Variants in ATP11C observed in about 807,000 individuals in gnomAD.
ATP11C encodes phospholipid-transporting ATPase IG.
A neutral mutation model predicts 97.4 loss-of-function variants in ATP11C; 36 were observed. The ratio of observed to expected loss-of-function variants is 0.37; its 90% CI spans 0.28 to 0.49. The LOEUF is 0.49. Among genes scored for constraint, ATP11C ranks in the 20% least tolerant of loss-of-function variants. The pLI is 0.98. For missense variants in ATP11C, 730 were observed against 824.6 expected (o/e 0.89, Z 1.40); for synonymous variants, 275 against 290.9 (o/e 0.95, Z 0.56).
chrX:139,841,310 A>G (rs1479345031), intron 1 of ATP11C, among the ~76,000 whole-genome samples: 1 of 112,360 alleles, frequency 8.9e-6, no homozygotes, highest in Non-Finnish European at 1.9e-5. Flanking sequence ...ACTCTACTAC[A>G]ATTAGACAAC....
At chrX:139,878,069 G>A (rs769770855) in intron 1 of ATP11C, among the ~76,000 whole-genome samples, 5 of 111,637 alleles carry the variant, frequency 4.5e-5, no homozygotes, top group Non-Finnish European at 9.4e-5. Flanking sequence ...AAAAAAAATG[G>A]GTTTTACATT....
intron 21 of ATP11C, among the ~76,000 whole-genome samples, chrX:139,762,545 C>T (rs138604947): frequency 2.7e-5 from 3 of 111,189 alleles, no homozygotes; most frequent in East Asian, 5.7e-4. Context: ...TGACTAGCAG[C>T]GCAAGGGTTC....
intron 1 of ATP11C, chrX:139,924,219 C>T (rs202116296): frequency 2.6e-6 from 1 of 383,136 alleles, no homozygotes; most frequent in Non-Finnish European, 5.3e-6. Flanking sequence ...CTGGCTCCCC[C>T]ACTGGGTGCA....
At chrX:139,919,216 C>T (rs948260491) in intron 1 of ATP11C, among the ~76,000 whole-genome samples, 19 of 109,495 alleles carry the variant, frequency 1.7e-4, no homozygotes, top group Non-Finnish European at 1.9e-4. Flanking sequence ...GCACTCCAGC[C>T]GGGGCGACAG....
Position 139,932,135 on chromosome X carries a change from G to T in ATP11C, c.-93C>A. The T allele has an allele frequency of 1.1e-6, 1 of 893,818 alleles. No individual in the cohort carries two copies. The highest frequency in any genetic ancestry group is 1.4e-6 in the Non-Finnish European group (1 of 698,462). The allele number at this position is 893,818 out of a possible 1,213,427, so 73.7% of individuals were successfully genotyped here. The stretch of plus-strand genomic sequence containing the variant: ...ACACACTGCGGCGTGGGCCGGCGGC[G>T]CCAAGCGGAGCAGCGAGGCGGGCGG... On this transcript the variant is annotated 5_prime_UTR_variant, in exon 1 of 30. Transcript: ENST00000682941.
chrX:139,805,536 A>AT (rs2083023898), intron 5 of ATP11C, among the ~76,000 whole-genome samples: 2 of 112,393 alleles, frequency 1.8e-5, no homozygotes, highest in African/African-American at 6.5e-5. Context: ...ATGAAGAGTC[A>AT]TAACATTTTT....
rs191756162 is a variant in ATP11C at position 139,830,702 on chromosome X, T to A, written c.28-3879A>T. On this transcript the variant is annotated intron_variant, in intron 1 of 29. Coordinates refer to ENST00000682941, the MANE Select transcript of ATP11C (RefSeq NM_001353812.2). ...ATTTGCTCAAAAATGAACAAAAAAA[T>A]TTCTTATTAAAATCTGAAGACTTGG... 8.0e-5 allele frequency among the ~76,000 whole-genome samples: 9 copies of A among 111,884 alleles called. No homozygotes were observed. The East Asian group carries it at 1.1e-3, about 14-fold the overall frequency.
intron 28 of ATP11C, chrX:139,737,617 G>A: frequency 1.1e-5 from 2 of 174,890 alleles, no homozygotes; most frequent in Non-Finnish European, 2.3e-5. Flanking sequence ...GAAAATTCTA[G>A]GCTAAATACA....
At chrX:139,762,149 A>C (rs1448922663) in intron 21 of ATP11C, 43 bp from the exon 22 acceptor site, 1 of 956,593 alleles carries the variant, frequency 1.0e-6, no homozygotes, top group Non-Finnish European at 1.4e-6. Context: ...TTCTAGAATA[A>C]ATGACTCCCT....
At chrX:139,765,632 C>T (rs758225482) in intron 20 of ATP11C, among the ~76,000 whole-genome samples, 14 of 112,039 alleles carry the variant, frequency 1.2e-4, no homozygotes, top group Non-Finnish European at 2.1e-4. Context: ...ACTAGCATAT[C>T]CAAGAGCACA....
chrX:139,895,510 T>C (rs1314363232), intron 1 of ATP11C, among the ~76,000 whole-genome samples: 1 of 112,073 alleles, frequency 8.9e-6, no homozygotes, highest in Non-Finnish European at 1.9e-5. Context: ...CCTCAAGTGA[T>C]GCACCTGCCC....
At chrX:139,784,018 TGATGAG>T (rs1316580836) in intron 16 of ATP11C, among the ~76,000 whole-genome samples, 2 of 112,561 alleles carry the variant, frequency 1.8e-5, no homozygotes, top group African/African-American at 6.5e-5. Context: ...TAGTTTTTAC[TGATGAG>T]AATAGCTTTG....
upstream of ATP11C, among the ~76,000 whole-genome samples, chrX:139,933,709 A>G (rs886345535): frequency 1.3e-4 from 15 of 112,314 alleles, no homozygotes; most frequent in African/African-American, 4.9e-4. Context: ...CAGCCACACC[A>G]CAGGCCTTCC....
intron 22 of ATP11C, among the ~76,000 whole-genome samples, chrX:139,760,661 A>C (rs1276054070): frequency 8.9e-6 from 1 of 111,870 alleles, no homozygotes; most frequent in Non-Finnish European, 1.9e-5. Flanking sequence ...GGTAGACAAT[A>C]ACAAGTATGC....
At chrX:139,844,655 G>C (rs1440966139) in intron 1 of ATP11C, among the ~76,000 whole-genome samples, 3 of 111,825 alleles carry the variant, frequency 2.7e-5, no homozygotes, top group African/African-American at 9.8e-5. Flanking sequence ...TCAATAATCT[G>C]TGTGTGTGTA....
intron 1 of ATP11C, among the ~76,000 whole-genome samples, chrX:139,867,065 G>A (rs1163041896): frequency 9.0e-6 from 1 of 111,721 alleles, no homozygotes; most frequent in Non-Finnish European, 1.9e-5. Context: ...CAGACTAAGC[G>A]ACAGAGCAAG....
At chrX:139,787,714 T>C (rs758877310) in intron 14 of ATP11C, among the ~76,000 whole-genome samples, 1 of 112,594 alleles carries the variant, frequency 8.9e-6, no homozygotes. Flanking sequence ...ACAGAGAAAG[T>C]CAATGCCCAG....
At chrX:139,920,486 A>G (rs1324068849) in intron 1 of ATP11C, among the ~76,000 whole-genome samples, 1 of 112,097 alleles carries the variant, frequency 8.9e-6, no homozygotes, top group East Asian at 2.8e-4. Context: ...CTGGCAATCC[A>G]GAGATAAGAA....
chrX:139,853,191 G>A lies in ATP11C; in HGVS notation c.28-26368C>T, dbSNP rs182247672. Among the ~76,000 whole-genome samples the A allele has an allele frequency of 5.7e-3, 640 of 111,371 alleles. 2 individuals are homozygous for A. The highest frequency in any genetic ancestry group is 9.3e-3 in the Non-Finnish European group (494 of 53,023). On this transcript the variant is annotated intron_variant, in intron 1 of 29. Coordinates refer to ENST00000682941, the MANE Select transcript of ATP11C (RefSeq NM_001353812.2). ...AGGAAGAAAAAGTAGCTCCACTCCC[G>A]CCAGTCCCTCCCCTAGGGGAAGAGG...
Sources: gnomAD v4.1 joint callset for allele counts (sites outside exome capture counted in the v4.1 genomes callset) on GRCh38, gnomAD v4.1.1 for gene constraint, MANE v1.5 for transcripts, NCBI Gene and HGNC (gene_info 2026-07-23, HGNC 2026-07-21) for gene names.